CA10: variants seen among roughly 807,000 people sequenced by gnomAD.
CA10 encodes the protein carbonic anhydrase-related protein 10.
Under a neutral mutation model 44.2 loss-of-function variants are expected in CA10, and 14 were observed. The ratio of observed to expected loss-of-function variants is 0.32; its 90% CI spans 0.21 to 0.50. The LOEUF (loss-of-function observed/expected upper bound fraction) is 0.50, where lower values mean the gene tolerates loss of function less well. CA10 is among the 20% of genes least tolerant of loss of function. The probability of loss-of-function intolerance (pLI) is 0.99; values close to 1 mark genes in which losing one functional copy is unlikely to be tolerated. For missense variants in CA10, 350 were observed against 409.7 expected, an observed-to-expected ratio of 0.85 and a Z score of 1.26; for synonymous variants, 159 against 141.6, an observed-to-expected ratio of 1.12 and a Z score of -0.87.
chr17:51,754,195 G>A (rs753826680), intron 3 of CA10, among the ~76,000 whole-genome samples: 42 of 151,704 alleles, frequency 2.8e-4, no homozygotes, highest in Non-Finnish European at 5.2e-4. Context: ...CAAGAGGTGG[G>A]TTGAGAGTGT....
At chr17:51,960,720 T>C (rs1393927844) in intron 2 of CA10, among the ~76,000 whole-genome samples, 2 of 152,186 alleles carry the variant, frequency 1.3e-5, no homozygotes, top group Admixed American at 1.3e-4. Flanking sequence ...AAAACAGATA[T>C]TTAAAAACCT....
intron 1 of CA10, among the ~76,000 whole-genome samples, chr17:52,141,808 T>C (rs753777451): frequency 2.0e-5 from 3 of 152,158 alleles, no homozygotes; most frequent in Non-Finnish European, 2.9e-5. Context: ...CTGGTGAGAA[T>C]GTGGAAAAAC....
At chr17:51,661,467 G>C (rs989216) in intron 4 of CA10, 99,278 of 152,102 alleles carry the variant, frequency 0.65, 32,651 homozygotes, top group Middle Eastern at 0.68. Context: ...TCATCTATAA[G>C]AGGGATAGTA....
chr17:52,054,596 T>G (rs1987171710), intron 2 of CA10, among the ~76,000 whole-genome samples: 2 of 152,032 alleles, frequency 1.3e-5, no homozygotes, highest in South Asian at 4.1e-4. Context: ...AACAAAAACT[T>G]GCTGGTTTTG....
intron 2 of CA10, among the ~76,000 whole-genome samples, chr17:52,007,680 G>C (rs567042709): frequency 1.3e-5 from 2 of 151,448 alleles, no homozygotes; most frequent in Non-Finnish European, 3.0e-5. Context: ...TCACACATGA[G>C]AATAGCTTAT....
intron 3 of CA10, among the ~76,000 whole-genome samples, chr17:51,889,817 C>A (rs1429227492): frequency 6.6e-6 from 1 of 152,136 alleles, no homozygotes; most frequent in African/African-American, 2.4e-5. Context: ...TCAAAGGTAA[C>A]AAAACAAATG....
intron 3 of CA10, among the ~76,000 whole-genome samples, chr17:51,925,487 T>C (rs1343766144): frequency 6.6e-6 from 1 of 151,448 alleles, no homozygotes; most frequent in Non-Finnish European, 1.5e-5. Flanking sequence ...CCTTGTGTGT[T>C]GCTGATGAGA....
chr17:52,090,224 A>G (rs1018524967), intron 1 of CA10, among the ~76,000 whole-genome samples: 5 of 152,214 alleles, frequency 3.3e-5, no homozygotes, highest in Non-Finnish European at 7.4e-5. Flanking sequence ...GTAGGCGTCA[A>G]TTCTTAAATA....
At chr17:52,153,331 T>C (rs1445405660) in intron 1 of CA10, among the ~76,000 whole-genome samples, 1 of 152,158 alleles carries the variant, frequency 6.6e-6, no homozygotes, top group African/African-American at 2.4e-5. Flanking sequence ...TGGGGCTTTT[T>C]ATTTGATGGG....
At chr17:51,864,238 GA>G (rs1222453846) in intron 3 of CA10, among the ~76,000 whole-genome samples, 3 of 151,946 alleles carry the variant, frequency 2.0e-5, no homozygotes, top group African/African-American at 7.3e-5. Context: ...AGGAACCGGG[GA>G]AAAAGGAAAG....
chr17:51,707,075 G>A (rs750932558), intron 4 of CA10, among the ~76,000 whole-genome samples: 4 of 152,116 alleles, frequency 2.6e-5, no homozygotes, highest in Non-Finnish European at 5.9e-5. Flanking sequence ...TTACAAAAGA[G>A]TTTTTGTTCT....
chr17:51,875,826 C>A (rs1278240915), intron 3 of CA10, among the ~76,000 whole-genome samples: 1 of 152,146 alleles, frequency 6.6e-6, no homozygotes, highest in East Asian at 1.9e-4. Flanking sequence ...CCTTCACCAC[C>A]CTCTGACACT....
intron 2 of CA10, among the ~76,000 whole-genome samples, chr17:52,071,268 G>T (rs984180304): frequency 6.6e-6 from 1 of 152,124 alleles, no homozygotes; most frequent in South Asian, 2.1e-4. Context: ...AGGCTATTTG[G>T]CAGCCAGTTG....
chr17:52,053,309 T>A (rs1987130522), intron 2 of CA10, among the ~76,000 whole-genome samples: 2 of 152,074 alleles, frequency 1.3e-5, no homozygotes, highest in African/African-American at 4.8e-5. Context: ...CTGAGCTCTT[T>A]GTTTAAAACA....
At chr17:51,898,559 G>C (rs886972910) in intron 3 of CA10, among the ~76,000 whole-genome samples, 1 of 152,006 alleles carries the variant, frequency 6.6e-6, no homozygotes, top group Non-Finnish European at 1.5e-5. Flanking sequence ...AATGATGCTT[G>C]CCTCGCAGAA....
chr17:51,977,514 G>A (rs1984504382), intron 2 of CA10, among the ~76,000 whole-genome samples: 1 of 151,960 alleles, frequency 6.6e-6, no homozygotes, highest in Admixed American at 6.6e-5. Context: ...AAAATTCTTA[G>A]CAAACTAGAA....
intron 1 of CA10, among the ~76,000 whole-genome samples, chr17:52,083,082 G>C (rs4321236): frequency 0.49 from 73,785 of 152,036 alleles, 18,494 homozygotes; most frequent in African/African-American, 0.57. Flanking sequence ...CAGAATGCTA[G>C]GAGCATACTA....
At chr17:51,874,066 T>C (rs1979939412) in intron 3 of CA10, among the ~76,000 whole-genome samples, 1 of 152,240 alleles carries the variant, frequency 6.6e-6, no homozygotes, top group Admixed American at 6.5e-5. Context: ...CCCAGTTAAC[T>C]ATGGCTTTTA....
intron 4 of CA10, among the ~76,000 whole-genome samples, chr17:51,695,676 C>G (rs1915379222): frequency 6.6e-6 from 1 of 152,096 alleles, no homozygotes; most frequent in Non-Finnish European, 1.5e-5. Context: ...TGCCAGATTG[C>G]TCTGGCAAGG....
Sources: allele counts gnomAD v4.1 joint callset (sites outside exome capture counted in the v4.1 genomes callset), GRCh38; gene constraint gnomAD v4.1.1; transcripts MANE v1.5; gene names NCBI Gene and HGNC (gene_info 2026-07-23, HGNC 2026-07-21).